The following TTC31 variants were observed in gnomAD, a reference collection of about 807,000 sequenced individuals.
TTC31 encodes the protein tetratricopeptide repeat domain 31, also known as tetratricopeptide repeat protein 31.
TTC31 carries 59 observed loss-of-function variants against 60.4 expected under a neutral mutation model. The ratio of observed to expected loss-of-function variants is 0.98; its 90% CI spans 0.79 to 1.21. TTC31 has a LOEUF of 1.21. Ranked by LOEUF, TTC31 falls within the 50% of genes most tolerant of loss-of-function variation. The pLI, the probability that TTC31 is intolerant of heterozygous loss-of-function variation, is 0.00. For missense variants in TTC31, 672 were observed against 646.9 expected, an observed-to-expected ratio of 1.04 and a Z score of -0.42; for synonymous variants, 225 against 249.6, an observed-to-expected ratio of 0.90 and a Z score of 0.93.
chr2:74,491,708 G>A (rs771223704), intron 8 of TTC31, 36 bp downstream of exon 8: 15 of 1,605,354 alleles, frequency 9.3e-6, no homozygotes, highest in Admixed American at 5.2e-5. Context: ...AGCTGGAACC[G>A]TGGAAGGGGC....
At chr2:74,483,272 G>A (rs762851632) in intron 1 of TTC31, 50 bp from the exon 2 acceptor site, 1 of 1,613,212 alleles carries the variant, frequency 6.2e-7, no homozygotes, top group East Asian at 2.2e-5. Context: ...GAGGACTCTA[G>A]CCCATCTGTC....
chr2:74,492,634 C>T lies in TTC31; in HGVS notation c.1162-12C>T. 1 of 1,614,162 alleles carries T rather than the reference C, an allele frequency of 6.2e-7. No individual in the cohort carries two copies. Among genetic ancestry groups the T allele is most frequent in the Non-Finnish European group, 8.5e-7 (1 of 1,179,984 alleles). ...ACCTAATCTTTTCTTTCTGATCCCT[C>T]TGGGACCAAAGCGCTTCAGAGAGGC... is the stretch of plus-strand genomic sequence containing the variant. On this transcript the variant is annotated splice_polypyrimidine_tract_variant and intron_variant, in intron 11 of 12. Coordinates refer to ENST00000233623, the MANE Select transcript of TTC31 (RefSeq NM_022492.6).
intron 2 of TTC31, among the ~76,000 whole-genome samples, chr2:74,489,591 G>T (rs1031136136): frequency 6.6e-6 from 1 of 152,192 alleles, no homozygotes; most frequent in African/African-American, 2.4e-5. Context: ...GTGCAGAGGA[G>T]CGGCCAGCCA....
At chr2:74,492,822 CAGGTGGCTA>C in intron 12 of TTC31, 75 bp downstream of exon 12, 1 of 1,592,928 alleles carries the variant, frequency 6.3e-7, no homozygotes, top group Non-Finnish European at 8.6e-7. Flanking sequence ...TACCAAGCCT[CAGGTGGCTA>C]AGGAGGGGGC....
chr2:74,483,445 C>A lies in TTC31; in HGVS notation c.129+35C>A. 3 of 1,613,978 alleles carry A rather than the reference C, an allele frequency of 1.9e-6. No homozygotes were observed. In the South Asian group the frequency reaches 3.3e-5, roughly 18 times the overall value. ...ACCCTCAGTTTCCCCCAGTCCTGCT[C>A]ATTTTGGTCACGCCTCTTTGAAGTC... On this transcript the variant is annotated intron_variant, in intron 2 of 12. Transcript: ENST00000233623.
chr2:74,483,446 A>G, intron 2 of TTC31, 36 bp downstream of exon 2: 1 of 1,613,952 alleles, frequency 6.2e-7, no homozygotes, highest in East Asian at 2.2e-5. Flanking sequence ...AGTCCTGCTC[A>G]TTTTGGTCAC....
chr2:74,483,740 G>A (rs1477161200), intron 2 of TTC31: 1 of 555,814 alleles, frequency 1.8e-6, no homozygotes, highest in Non-Finnish European at 2.7e-6. Context: ...ACTTTGGGAG[G>A]CTGAGACGGG....
At chr2:74,486,620 T>C (rs1387896916) in intron 2 of TTC31, among the ~76,000 whole-genome samples, 1 of 152,060 alleles carries the variant, frequency 6.6e-6, no homozygotes, top group Admixed American at 6.6e-5. Flanking sequence ...AGGCCAAGTG[T>C]GGTGGCTCAC....
At chr2:74,484,671 A>G (rs1226837493) in intron 2 of TTC31, among the ~76,000 whole-genome samples, 2 of 151,884 alleles carry the variant, frequency 1.3e-5, no homozygotes, top group African/African-American at 4.8e-5. Flanking sequence ...GTTGGCCAGC[A>G]TGGTCTCGAT....
chr2:74,485,555 C>T (rs1673007116), intron 2 of TTC31, among the ~76,000 whole-genome samples: 1 of 150,344 alleles, frequency 6.7e-6, no homozygotes, highest in African/African-American at 2.4e-5. Flanking sequence ...ACCGCAACCT[C>T]TGCTTCCCGG....
At chr2:74,491,960 G>T (rs753430280) in intron 8 of TTC31, 44 bp from the exon 9 acceptor site, 68 of 1,613,818 alleles carry the variant, frequency 4.2e-5, no homozygotes, top group Non-Finnish European at 4.9e-5. Context: ...GATTTGGGGA[G>T]GCTGAGACCT....
At chr2:74,485,445 C>G (rs1282505058) in intron 2 of TTC31, among the ~76,000 whole-genome samples, 2 of 151,418 alleles carry the variant, frequency 1.3e-5, no homozygotes, top group African/African-American at 4.9e-5. Context: ...CATCCATAGC[C>G]TCATCTTCCC....
chr2:74,483,399 T>C lies in TTC31; in HGVS notation c.118T>C (p.Tyr40His), dbSNP rs554740962. 43 of 1,614,222 alleles carry C rather than the reference T, an allele frequency of 2.7e-5. 1 individual carries two copies. In the East Asian group the frequency reaches 9.1e-4, roughly 34 times the overall value. Residue 40 changes from tyrosine to histidine, a missense_variant, in exon 2 of 13, where the codon TAC (tyrosine) becomes CAC (histidine). Tyr to His is a moderately conservative substitution (Grantham distance 83). Coordinates refer to ENST00000233623, the MANE Select transcript of TTC31 (RefSeq NM_022492.6). ...TTGCAAGGAATTCGGTCCAGAGGAT[T>C]ACGGCGAAGAGGTAAAAGCGACCCT... ...KLCKEFGPED[Y>H]GEEDIVDFLR...
At position 74,490,012 on chromosome 2, in the gene TTC31, C is replaced by G. The variant is rs1390441727; in HGVS notation, c.130-13C>G. 3 of 1,505,522 alleles carry G rather than the reference C, an allele frequency of 2.0e-6. No individual in the cohort carries two copies. The highest frequency in any genetic ancestry group is 2.7e-6 in the Non-Finnish European group (3 of 1,104,854). 93.3% of individuals were successfully genotyped at this position (1,505,522 alleles called of 1,614,324 possible). ...CCAACACCAGCCTCCCCTCCCCTCC[C>G]CTCCCCTCCCAGGACATAGTGGATT... On this transcript the variant is annotated splice_polypyrimidine_tract_variant and intron_variant, in intron 2 of 12. Coordinates refer to ENST00000233623, the MANE Select transcript of TTC31 (RefSeq NM_022492.6).
rs111415294 is a variant in TTC31, at chr2:74,492,689, G to A, written c.1205G>A (p.Gly402Asp). 6.0e-3 allele frequency: 9,612 copies of A among 1,614,170 alleles called. 65 individuals carry two copies. The highest frequency in any genetic ancestry group is 0.017 in the African/African-American group (1,260 of 75,034). Residue 402 changes from glycine to aspartate, a missense_variant, in exon 12 of 13, where the codon GGT (glycine) becomes GAT (aspartate). Transcript: ENST00000233623. ...GCTGTGTTTCAGGAAACTCTGAGAG[G>A]TGGGTCCCAGCCTGACGCAGCCCGA... ...AAAVFQETLR[G>D]GSQPDAAREL...
At chr2:74,490,994 T>C in intron 5 of TTC31, 134 bp from the exon 6 acceptor site, 1 of 1,283,666 alleles carries the variant, frequency 7.8e-7, no homozygotes, top group Non-Finnish European at 1.1e-6. Context: ...TCTTGTCTGC[T>C]TTTTCACCTG....
At chr2:74,487,873 T>A (rs1673318651) in intron 2 of TTC31, among the ~76,000 whole-genome samples, 1 of 151,830 alleles carries the variant, frequency 6.6e-6, no homozygotes, top group Non-Finnish European at 1.5e-5. Context: ...ATAGATGGGG[T>A]TTCGCCATGT....
chr2:74,494,024 C>G lies in TTC31; in HGVS notation c.*806C>G, dbSNP rs1020904673. ...TAATTTATTCAGTTTTTTCAAGGGT[C>G]AACTGAATTCCCCACTTCCTGGGTA... On this transcript the variant is annotated 3_prime_UTR_variant, in exon 13 of 13. Coordinates refer to ENST00000233623, the MANE Select transcript of TTC31 (RefSeq NM_022492.6). The G allele has an allele frequency of 6.6e-6, 1 of 152,182 alleles. No individual in the cohort carries two copies. The highest frequency in any genetic ancestry group is 2.4e-5 in the African/African-American group (1 of 41,440). 9.4% of individuals were successfully genotyped at this position (152,182 alleles called of 1,614,324 possible).
At chr2:74,484,645 G>A (rs375365212) in intron 2 of TTC31, among the ~76,000 whole-genome samples, 1 of 151,992 alleles carries the variant, frequency 6.6e-6, no homozygotes, top group Non-Finnish European at 1.5e-5. Flanking sequence ...TTTTAGTAGA[G>A]ACTGGGTTTC....
Sources: gnomAD v4.1 joint callset for allele counts (sites outside exome capture counted in the v4.1 genomes callset) on GRCh38, gnomAD v4.1.1 for gene constraint, MANE v1.5 for transcripts, NCBI Gene and HGNC (gene_info 2026-07-23, HGNC 2026-07-21) for gene names.